SPRY3: variants seen among roughly 807,000 people sequenced by gnomAD.
SPRY3 encodes sprouty RTK signaling antagonist 3.
SPRY3 carries 15 observed loss-of-function variants against 20.2 expected under a neutral mutation model. That is an observed-to-expected ratio of 0.74 (90% CI 0.50 to 1.14). SPRY3 has a LOEUF of 1.14. Among genes scored for constraint, SPRY3 ranks in the 50% most tolerant of loss-of-function variants. The probability of loss-of-function intolerance (pLI) is 0.00; values close to 1 mark genes in which losing one functional copy is unlikely to be tolerated. For synonymous variants in SPRY3, 143 were observed against 136.5 expected (o/e 1.05, Z -0.33); for missense variants, 364 against 363.9 (o/e 1.00, Z 0.00).
intron 1 of SPRY3, among the ~76,000 whole-genome samples, chrX:155,616,646 G>T (rs1419858985): frequency 1.8e-5 from 2 of 111,242 alleles, no homozygotes; most frequent in African/African-American, 3.3e-5. Context: ...GGTTACCATA[G>T]ACCTTTATGG....
At chrX:155,704,626 A>AT (rs922266659) in intron 2 of SPRY3, among the ~76,000 whole-genome samples, 1 of 151,594 alleles carries the variant, frequency 6.6e-6, no homozygotes, top group Admixed American at 6.6e-5. Context: ...ATGACTGAGA[A>AT]TTTTTTTTAA....
chrX:155,730,153 A>G (rs759796928), intron 2 of SPRY3, among the ~76,000 whole-genome samples: 4 of 152,286 alleles, frequency 2.6e-5, no homozygotes, highest in South Asian at 4.1e-4. Flanking sequence ...ATTCCAAGAA[A>G]CAAAGGAGAA....
chrX:155,764,452 C>T (rs756798100), intron 2 of SPRY3, among the ~76,000 whole-genome samples: 42 of 152,236 alleles, frequency 2.8e-4, no homozygotes, highest in South Asian at 6.2e-4. Context: ...TCAAAAATCA[C>T]GGAACTTCGA....
intron 2 of SPRY3, among the ~76,000 whole-genome samples, chrX:155,751,194 T>C (rs1417721992): frequency 1.3e-5 from 2 of 151,784 alleles, no homozygotes; most frequent in African/African-American, 4.8e-5. Context: ...ATTGTGTAAG[T>C]AGTATAGCTA....
At chrX:155,727,160 G>A (rs2091103852) in intron 2 of SPRY3, among the ~76,000 whole-genome samples, 1 of 152,158 alleles carries the variant, frequency 6.6e-6, no homozygotes, top group Non-Finnish European at 1.5e-5. Flanking sequence ...TAGGGTTTCT[G>A]CCAAGAGATC....
chrX:155,697,500 T>TACACACACAC (rs35884004), intron 2 of SPRY3, among the ~76,000 whole-genome samples: 3 of 96,670 alleles, frequency 3.1e-5, no homozygotes, highest in Admixed American at 1.1e-4. Context: ...ATTATACACA[T>TACACACACAC]ACACACACAC....
chrX:155,755,976 G>A (rs1484994489), intron 2 of SPRY3, among the ~76,000 whole-genome samples: 1 of 152,078 alleles, frequency 6.6e-6, no homozygotes, highest in Non-Finnish European at 1.5e-5. Flanking sequence ...AGTTCATGAA[G>A]GTAGGATGGT....
At chrX:155,713,522 C>T (rs1244752879) in intron 2 of SPRY3, among the ~76,000 whole-genome samples, 1 of 151,970 alleles carries the variant, frequency 6.6e-6, no homozygotes, top group East Asian at 1.9e-4. Flanking sequence ...TTATATCATG[C>T]CACTCCCTCC....
intron 2 of SPRY3, among the ~76,000 whole-genome samples, chrX:155,732,406 C>T (rs1295745921): frequency 1.3e-5 from 2 of 151,954 alleles, no homozygotes; most frequent in South Asian, 2.1e-4. Flanking sequence ...TGAAAAGGTG[C>T]TTAACCTCAG....
In SPRY3 at chrX:155,750,279, G is replaced by C. The variant is rs143912822; in HGVS notation, c.-281-17683G>C. ...AACAATAGGCACTGGAGACTAGTGC[G>C]GGGGGAAGGGAAGAGTGTAAGGGTT... On this transcript the variant is annotated intron_variant, in intron 2 of 3. Transcript: ENST00000675360. Among the ~76,000 whole-genome samples, 27 of 151,830 alleles carry C rather than the reference G, an allele frequency of 1.8e-4. No individual in the cohort carries two copies. In the East Asian group the frequency reaches 4.9e-3, roughly 27 times the overall value.
intron 2 of SPRY3, among the ~76,000 whole-genome samples, chrX:155,699,081 G>T (rs1403474152): frequency 8.9e-6 from 1 of 111,943 alleles, no homozygotes; most frequent in African/African-American, 3.2e-5. Flanking sequence ...TAAGAAAAAA[G>T]AAATATAAGA....
At chrX:155,726,327 T>C (rs778588036) in intron 2 of SPRY3, among the ~76,000 whole-genome samples, 199 of 152,334 alleles carry the variant, frequency 1.3e-3, no homozygotes, top group African/African-American at 4.6e-3. Context: ...TGTAGATGTC[T>C]ATTACATCTA....
chrX:155,620,233 TTATAAGATTCTTAGTTAAACACA>T (rs782492062), intron 1 of SPRY3, among the ~76,000 whole-genome samples: 1 of 111,480 alleles, frequency 9.0e-6, no homozygotes, highest in East Asian at 2.8e-4. Context: ...TAAACACACT[TTATAAGATTCTTAGTTAAACACA>T]CTTTATAAGA....
At chrX:155,692,201 C>CTAT (rs2068105090) in intron 2 of SPRY3, among the ~76,000 whole-genome samples, 1 of 110,748 alleles carries the variant, frequency 9.0e-6, no homozygotes, top group African/African-American at 3.3e-5. Flanking sequence ...TTACATTTAG[C>CTAT]TCCCTGGTTG....
chrX:155,709,422 C>T (rs2090972018), intron 2 of SPRY3, among the ~76,000 whole-genome samples: 1 of 151,704 alleles, frequency 6.6e-6, no homozygotes, highest in South Asian at 2.1e-4. Context: ...AGCAATGATG[C>T]TGAGCCCTTT....
chrX:155,728,437 T>C (rs1445092699), intron 2 of SPRY3, among the ~76,000 whole-genome samples: 1 of 152,230 alleles, frequency 6.6e-6, no homozygotes, highest in Non-Finnish European at 1.5e-5. Flanking sequence ...ATATAGGCAG[T>C]AGGCCTTGCT....
chrX:155,757,078 C>T (rs1445631731), intron 2 of SPRY3, among the ~76,000 whole-genome samples: 1 of 152,138 alleles, frequency 6.6e-6, no homozygotes, highest in Non-Finnish European at 1.5e-5. Flanking sequence ...CATATTCTGT[C>T]ATTCCTCTGC....
intron 2 of SPRY3, among the ~76,000 whole-genome samples, chrX:155,685,820 T>A (rs1465170905): frequency 9.0e-6 from 1 of 111,225 alleles, no homozygotes; most frequent in African/African-American, 3.3e-5. Flanking sequence ...CAGGATGGAG[T>A]GCAGTGGCGC....
chrX:155,759,184 C>T (rs368261193), intron 2 of SPRY3, among the ~76,000 whole-genome samples: 4 of 151,692 alleles, frequency 2.6e-5, no homozygotes, highest in Non-Finnish European at 5.9e-5. Context: ...CCATCACGCC[C>T]GGCTAATTTT....
Sources: gnomAD v4.1 joint callset for allele counts (sites outside exome capture counted in the v4.1 genomes callset) on GRCh38, gnomAD v4.1.1 for gene constraint, MANE v1.5 for transcripts, NCBI Gene and HGNC (gene_info 2026-07-23, HGNC 2026-07-21) for gene names.